Variants in SNTG1 observed in about 807,000 individuals in gnomAD.
The protein encoded by SNTG1 is gamma-1-syntrophin.
A neutral mutation model predicts 74.7 loss-of-function variants in SNTG1; 39 were observed. The observed-to-expected ratio is 0.52, with a 90% CI of 0.40 to 0.68. The LOEUF (loss-of-function observed/expected upper bound fraction) is 0.68, where lower values mean the gene tolerates loss of function less well. SNTG1 is among the 30% of genes least tolerant of loss of function. The pLI is 0.00. For synonymous variants in SNTG1, 254 were observed against 217.1 expected, an observed-to-expected ratio of 1.17 and a Z score of -1.49; for missense variants, 685 against 609.5, an observed-to-expected ratio of 1.12 and a Z score of -1.30.
intron 12 of SNTG1, among the ~76,000 whole-genome samples, chr8:50,556,155 C>T (rs118074173): frequency 6.6e-6 from 1 of 152,094 alleles, no homozygotes; most frequent in Non-Finnish European, 1.5e-5. Flanking sequence ...CAGAGTGGCT[C>T]CAAAATATTT....
intron 3 of SNTG1, among the ~76,000 whole-genome samples, chr8:50,400,371 C>T (rs760351479): frequency 2.6e-4 from 39 of 152,114 alleles, no homozygotes; most frequent in Non-Finnish European, 4.0e-4. Context: ...AATAGTGTTC[C>T]ACTGTGTATA....
intron 1 of SNTG1, among the ~76,000 whole-genome samples, chr8:50,017,243 T>C (rs986485882): frequency 6.6e-6 from 1 of 151,976 alleles, no homozygotes; most frequent in Non-Finnish European, 1.5e-5. Flanking sequence ...AAGCAATAAT[T>C]ATAAAATTAT....
chr8:50,685,435 T>C (rs1273657530), intron 15 of SNTG1, among the ~76,000 whole-genome samples: 1 of 152,188 alleles, frequency 6.6e-6, no homozygotes, highest in Non-Finnish European at 1.5e-5. Flanking sequence ...GAATATGTTT[T>C]CTAACTCTGA....
intron 1 of SNTG1, among the ~76,000 whole-genome samples, chr8:50,114,124 T>C (rs2080719639): frequency 6.6e-6 from 1 of 152,130 alleles, no homozygotes; most frequent in African/African-American, 2.4e-5. Flanking sequence ...ATGTGAATAA[T>C]ACTATATCAC....
intron 1 of SNTG1, among the ~76,000 whole-genome samples, chr8:50,098,234 C>A (rs544933443): frequency 1.2e-4 from 19 of 152,200 alleles, no homozygotes; most frequent in Non-Finnish European, 2.4e-4. Context: ...CAAGAAAAGA[C>A]CATATGCCAA....
At chr8:50,574,845 C>T (rs983534908) in intron 12 of SNTG1, among the ~76,000 whole-genome samples, 1 of 152,080 alleles carries the variant, frequency 6.6e-6, no homozygotes, top group African/African-American at 2.4e-5. Context: ...TGCATAAGAA[C>T]ATGAATTTTT....
At chr8:50,105,405 T>C (rs764937644) in intron 1 of SNTG1, among the ~76,000 whole-genome samples, 57 of 152,162 alleles carry the variant, frequency 3.7e-4, no homozygotes, top group Non-Finnish European at 1.3e-4. Context: ...TTTGTACCAG[T>C]ACCATGCTCT....
intron 2 of SNTG1, among the ~76,000 whole-genome samples, chr8:50,280,963 C>T (rs1405904442): frequency 2.4e-5 from 3 of 124,254 alleles, no homozygotes; most frequent in Non-Finnish European, 4.8e-5. Context: ...ACCATCCTGG[C>T]TAACATGGTG....
At chr8:50,383,374 CTTATG>C (rs747695322) in intron 2 of SNTG1, among the ~76,000 whole-genome samples, 229 of 152,136 alleles carry the variant, frequency 1.5e-3, no homozygotes, top group Non-Finnish European at 2.8e-3. Context: ...ATTAATAAAT[CTTATG>C]TTAGATGATA....
At position 50,796,206 on chromosome 8, in the gene SNTG1, AG is replaced by A. The variant is rs1802803262; in HGVS notation, c.*3378del. ...TAATTTAGAATTACTGCTAGAAATC[AG>A]CAGTGTGGAGAAGCTTTAAAAGCAC... On this transcript the variant is annotated 3_prime_UTR_variant, in exon 19 of 19. Transcript: ENST00000642720. 1 of 152,106 alleles carries A rather than the reference AG, an allele frequency of 6.6e-6. No individual in the cohort carries two copies. Among genetic ancestry groups the A allele is most frequent in the African/African-American group, 2.4e-5 (1 of 41,452 alleles). 9.4% of individuals were successfully genotyped at this position (152,106 alleles called of 1,614,324 possible). A position where few individuals can be genotyped will look rare whatever the true frequency, so the allele number is the denominator to read the frequency against.
intron 1 of SNTG1, among the ~76,000 whole-genome samples, chr8:49,951,313 A>G (rs1349207582): frequency 6.6e-6 from 1 of 152,238 alleles, no homozygotes; most frequent in African/African-American, 2.4e-5. Context: ...TTATTAAGAC[A>G]ATGCCTAGTG....
intron 2 of SNTG1, among the ~76,000 whole-genome samples, chr8:50,207,723 A>G (rs553752323): frequency 6.6e-6 from 1 of 152,080 alleles, no homozygotes; most frequent in Non-Finnish European, 1.5e-5. Flanking sequence ...ATTTCCCTCT[A>G]CACACTGCTT....
At position 49,923,128 on chromosome 8, in the gene SNTG1, A is replaced by T. The variant is rs184034687; in HGVS notation, c.-103+10897A>T. On this transcript the variant is annotated intron_variant, in intron 1 of 18. Transcript: ENST00000642720. Reference sequence around the variant, plus strand: ...TACCATTCTACCGAATAACTCAAAGATATCCCACCTTGTTTTTAGGAGATA... The same window carrying T: ...TACCATTCTACCGAATAACTCAAAGTTATCCCACCTTGTTTTTAGGAGATA... Among the ~76,000 whole-genome samples, 522 of 152,268 alleles carry T rather than the reference A, an allele frequency of 3.4e-3. 3 individuals are homozygous for T. Among genetic ancestry groups the T allele is most frequent in the African/African-American group, 0.012 (500 of 41,574 alleles).
chr8:50,573,458 A>G (rs1293401053), intron 12 of SNTG1, among the ~76,000 whole-genome samples: 1 of 152,116 alleles, frequency 6.6e-6, no homozygotes, highest in East Asian at 1.9e-4. Context: ...TTAAGAGGTT[A>G]CCATTATTAA....
chr8:50,235,315 C>T lies in SNTG1; in HGVS notation c.-28+62680C>T, dbSNP rs182598357. ...TGACAACAGGGATGAATGTGGAGGGCATTATGTTAAGTGAAATGAGCCAGG... is the reference window on the plus strand; with the variant it reads ...TGACAACAGGGATGAATGTGGAGGGTATTATGTTAAGTGAAATGAGCCAGG... On this transcript the variant is annotated intron_variant, in intron 2 of 18. Coordinates refer to ENST00000642720, the MANE Select transcript of SNTG1 (RefSeq NM_018967.5). Among the ~76,000 whole-genome samples, 478 of 152,208 alleles carry T rather than the reference C, an allele frequency of 3.1e-3. 2 individuals are homozygous for T. The highest frequency in any genetic ancestry group is 0.011 in the African/African-American group (455 of 41,542).
At chr8:50,490,704 A>T (rs1338851657) in intron 8 of SNTG1, 1 of 152,332 alleles carries the variant, frequency 6.6e-6, no homozygotes, top group Non-Finnish European at 1.5e-5. Context: ...CCCCAGGGGT[A>T]GGCAGGCAAT....
chr8:50,520,093 AT>A (rs756541997), intron 9 of SNTG1, among the ~76,000 whole-genome samples: 1 of 152,232 alleles, frequency 6.6e-6, no homozygotes, highest in Non-Finnish European at 1.5e-5. Context: ...CAAAACAGAC[AT>A]ACAGACCAGT....
At chr8:50,405,681 C>T (rs542312787) in intron 4 of SNTG1, among the ~76,000 whole-genome samples, 2 of 152,046 alleles carry the variant, frequency 1.3e-5, no homozygotes, top group South Asian at 4.1e-4. Context: ...TTCTATTGGT[C>T]GTACCTTTTA....
chr8:50,714,239 C>A (rs1368974534), intron 17 of SNTG1, among the ~76,000 whole-genome samples: 2 of 151,948 alleles, frequency 1.3e-5, no homozygotes, highest in Non-Finnish European at 2.9e-5. Context: ...GTTACTGTAG[C>A]CTAGTAGTAT....
Sources: allele counts gnomAD v4.1 joint callset (sites outside exome capture counted in the v4.1 genomes callset), GRCh38; gene constraint gnomAD v4.1.1; transcripts MANE v1.5; gene names NCBI Gene and HGNC (gene_info 2026-07-23, HGNC 2026-07-21).